DNAH17: variants seen among roughly 807,000 people sequenced by gnomAD.
DNAH17 encodes axonemal beta dynein heavy chain 17.
In DNAH17, 376 loss-of-function variants were observed where a neutral mutation model predicts 485.6. That is an observed-to-expected ratio of 0.77 (90% CI 0.71 to 0.84). DNAH17 has a LOEUF of 0.84. Among genes scored for constraint, DNAH17 ranks in the 40% least tolerant of loss-of-function variants. The probability of loss-of-function intolerance (pLI) is 0.00; values close to 1 mark genes in which losing one functional copy is unlikely to be tolerated. For synonymous variants in DNAH17, 3,031 were observed against 2,405.9 expected (o/e 1.26, Z -7.60); for missense variants, 6,370 against 5,839.3 (o/e 1.09, Z -2.96).
chr17:78,492,855 G>GTTT (rs570440887), intron 41 of DNAH17, 90 bp from the exon 42 acceptor site: 46 of 635,742 alleles, frequency 7.2e-5, no homozygotes, highest in Middle Eastern at 5.4e-4. Flanking sequence ...GGCCTGGATG[G>GTTT]TTTTTTTTTT....
At chr17:78,542,951 C>T (rs1166209586) in intron 17 of DNAH17, among the ~76,000 whole-genome samples, 1 of 152,170 alleles carries the variant, frequency 6.6e-6, no homozygotes, top group Non-Finnish European at 1.5e-5. Context: ...GATTTGTTGA[C>T]CTAGTATGAA....
Position 78,434,861 on chromosome 17 carries a change from C to T in DNAH17, c.12034-641G>A, listed in dbSNP as rs115693542. ...GCTGTGCTCCACCTGCTCTACTCAG[C>T]GGCTGACGGAGCACCTCTGGGGCCA... On this transcript the variant is annotated intron_variant, in intron 74 of 80. Transcript: ENST00000389840. Among the ~76,000 whole-genome samples the T allele has an allele frequency of 6.2e-3, 944 of 152,310 alleles. 15 individuals carry two copies. Among genetic ancestry groups the T allele is most frequent in the African/African-American group, 0.022 (906 of 41,582 alleles).
In DNAH17 at chr17:78,514,968, C is replaced by G. The variant is rs934851324; in HGVS notation, c.3919G>C (p.Glu1307Gln). 2 of 1,614,030 alleles carry G rather than the reference C, an allele frequency of 1.2e-6. No individual in the cohort carries two copies. The highest frequency in any genetic ancestry group is 1.7e-6 in the Non-Finnish European group (2 of 1,179,908). The change falls in exon 26 of 81, where the codon GAG (glutamate) becomes CAG (glutamine). Residue 1307 changes from glutamate to glutamine, a missense_variant. Transcript: ENST00000389840. ...TTCTTACAATCTATGTCCATCTGCT[C>G]AACGTTGATATCTTTCCACTTGGTG... ...KTTKWKDINV[E>Q]QMDIDCKKFA...
intron 19 of DNAH17, among the ~76,000 whole-genome samples, chr17:78,536,941 C>T (rs2091390256): frequency 1.3e-5 from 2 of 151,500 alleles, no homozygotes; most frequent in African/African-American, 2.4e-5. Flanking sequence ...TTTGGGAGGC[C>T]GAGGCGGGTG....
chr17:78,456,680 T>G (rs1187480570), intron 62 of DNAH17, among the ~76,000 whole-genome samples: 3 of 152,206 alleles, frequency 2.0e-5, no homozygotes, highest in Admixed American at 2.0e-4. Flanking sequence ...TTGGCATGTT[T>G]GTTGCAAGTC....
chr17:78,524,294 C>T (rs556962560), intron 25 of DNAH17, among the ~76,000 whole-genome samples: 36 of 152,260 alleles, frequency 2.4e-4, no homozygotes, highest in Non-Finnish European at 4.7e-4. Context: ...CACACCACCA[C>T]GCCCAGTTAA....
At chr17:78,498,193 A>AAAGC (rs1555675716) in intron 37 of DNAH17, among the ~76,000 whole-genome samples, 3,397 of 144,754 alleles carry the variant, frequency 0.023, 45 homozygotes, top group South Asian at 0.039. Context: ...ATAAATAAAT[A>AAAGC]AAGCAGGCTC....
chr17:78,524,853 G>A (rs531018863), intron 25 of DNAH17, among the ~76,000 whole-genome samples, 156 bp downstream of exon 25: 1 of 152,256 alleles, frequency 6.6e-6, no homozygotes, highest in Admixed American at 6.5e-5. Context: ...ACCCCACCTC[G>A]CGATCTCAGG....
chr17:78,543,166 G>T (rs957173000), intron 17 of DNAH17, among the ~76,000 whole-genome samples: 1 of 152,230 alleles, frequency 6.6e-6, no homozygotes, highest in African/African-American at 2.4e-5. Context: ...CCAGGCTGGG[G>T]TGCAGTGGTG....
intron 27 of DNAH17, among the ~76,000 whole-genome samples, chr17:78,509,866 G>A (rs948112785): frequency 3.9e-5 from 6 of 152,194 alleles, no homozygotes; most frequent in African/African-American, 9.7e-5. Flanking sequence ...AGCTATAGCC[G>A]CAAATTGGGT....
intron 75 of DNAH17, among the ~76,000 whole-genome samples, chr17:78,429,698 A>G (rs1291109146): frequency 1.3e-5 from 2 of 152,112 alleles, no homozygotes; most frequent in Non-Finnish European, 1.5e-5. Flanking sequence ...CTGTGTTACC[A>G]TCTGAGACTC....
intron 18 of DNAH17, among the ~76,000 whole-genome samples, chr17:78,538,995 G>A (rs2091452098): frequency 1.3e-5 from 2 of 152,184 alleles, no homozygotes. Flanking sequence ...CACTTTGGGA[G>A]GCCGAGGTTG....
At chr17:78,544,220 G>A (rs761736615) in intron 16 of DNAH17, among the ~76,000 whole-genome samples, 8 of 152,164 alleles carry the variant, frequency 5.3e-5, no homozygotes, top group Non-Finnish European at 7.3e-5. Context: ...CCAAAACCAG[G>A]GCCTAGGGGA....
In DNAH17 at chr17:78,507,926, A is replaced by G. The variant is rs924706018; in HGVS notation, c.4237-121T>C. The G allele has an allele frequency of 1.6e-5, 15 of 939,888 alleles. No homozygotes were observed. In the South Asian group the frequency reaches 2.3e-4, roughly 14 times the overall value. 58.2% of individuals were successfully genotyped at this position (939,888 alleles called of 1,614,324 possible). On this transcript the variant is annotated intron_variant, in intron 27 of 80. Coordinates refer to ENST00000389840, the MANE Select transcript of DNAH17 (RefSeq NM_173628.4). Reference sequence around the variant, plus strand: ...ATCAGAAAGCAAAAAGGCTCAAACCAACGTATTCACAGGAGCCAAAGGCAG... The same window carrying G: ...ATCAGAAAGCAAAAAGGCTCAAACCGACGTATTCACAGGAGCCAAAGGCAG...
At chr17:78,458,418 C>T in intron 62 of DNAH17, 147 bp downstream of exon 62, 3 of 673,028 alleles carry the variant, frequency 4.5e-6, no homozygotes, top group Non-Finnish European at 7.9e-6. Flanking sequence ...CAAGTTTTAT[C>T]CTAATTACTT....
intron 54 of DNAH17, chr17:78,472,840 AC>A (rs1228796696): frequency 4.7e-6 from 2 of 422,638 alleles, no homozygotes; most frequent in East Asian, 8.0e-5. Flanking sequence ...CACCCAGGTC[AC>A]CCTTCAGCAG....
intron 20 of DNAH17, 95 bp downstream of exon 20, chr17:78,532,387 T>C (rs1268399594): frequency 6.8e-6 from 10 of 1,463,080 alleles, no homozygotes; most frequent in Non-Finnish European, 8.2e-6. Flanking sequence ...AACCTGCATC[T>C]TAAAACAATT....
chr17:78,528,411 T>TTTTAAAAATTA lies in DNAH17; in HGVS notation c.3507+1060_3507+1061insTAATTTTTAAA, dbSNP rs1568201398. On this transcript the variant is annotated intron_variant, in intron 22 of 80. Coordinates refer to ENST00000389840, the MANE Select transcript of DNAH17 (RefSeq NM_173628.4). Reference sequence around the variant, plus strand: ...CTGGGACTACAGGTGTGCGCCACCATGCCTGGCTAATTTTTTAAATTTTTT... The same window carrying TTTTAAAAATTA: ...CTGGGACTACAGGTGTGCGCCACCATTTTAAAAATTAGCCTGGCTAATTTTTTAAATTTTTT... 1.4e-4 allele frequency among the ~76,000 whole-genome samples: 21 copies of TTTTAAAAATTA among 152,218 alleles called. No individual in the cohort carries two copies. The East Asian group carries it at 4.1e-3, about 29-fold the overall frequency.
intron 71 of DNAH17, among the ~76,000 whole-genome samples, chr17:78,443,542 A>G (rs909635537): frequency 1.9e-5 from 1 of 53,832 alleles, no homozygotes; most frequent in East Asian, 1.0e-3. Context: ...TCAGAAGGGA[A>G]TTCTTTTTAT....
Sources: allele counts gnomAD v4.1 joint callset (sites outside exome capture counted in the v4.1 genomes callset), GRCh38; gene constraint gnomAD v4.1.1; transcripts MANE v1.5; gene names NCBI Gene and HGNC (gene_info 2026-07-23, HGNC 2026-07-21).